Variants in TMEM232 observed in about 807,000 individuals in gnomAD.
The protein encoded by TMEM232 is transmembrane protein 232.
A neutral mutation model predicts 78.8 loss-of-function variants in TMEM232; 80 were observed. That is an observed-to-expected ratio of 1.01 (90% CI 0.85 to 1.22). The LOEUF (loss-of-function observed/expected upper bound fraction) is 1.22. Among genes scored for constraint, TMEM232 ranks in the 50% most tolerant of loss-of-function variants. TMEM232 has a pLI of 0.00. For missense variants in TMEM232, 881 were observed against 742.2 expected (o/e 1.19, Z -2.17); for synonymous variants, 297 against 254.3 (o/e 1.17, Z -1.60).
intron 11 of TMEM232, among the ~76,000 whole-genome samples, chr5:110,556,904 T>G (rs899376098): frequency 1.4e-4 from 22 of 152,178 alleles, no homozygotes; most frequent in African/African-American, 4.3e-4. Flanking sequence ...TGCTCTGAAT[T>G]TGAATATCAT....
intron 8 of TMEM232, among the ~76,000 whole-genome samples, chr5:110,610,840 C>T (rs1782182589): frequency 6.6e-6 from 1 of 152,082 alleles, no homozygotes; most frequent in South Asian, 2.1e-4. Flanking sequence ...GTACATCATA[C>T]TTTTTAGAGA....
intron 12 of TMEM232, among the ~76,000 whole-genome samples, chr5:110,517,399 A>T (rs1207092926): frequency 6.6e-6 from 1 of 152,258 alleles, no homozygotes; most frequent in Non-Finnish European, 1.5e-5. Flanking sequence ...TTCAATGCAT[A>T]GCTTAGATTT....
chr5:110,447,349 T>C (rs1406632589), intron 12 of TMEM232, among the ~76,000 whole-genome samples: 1 of 152,034 alleles, frequency 6.6e-6, no homozygotes, highest in Non-Finnish European at 1.5e-5. Context: ...AGACTAGGAA[T>C]CAGGTTAGGC....
chr5:110,433,565 T>C (rs1285119393), intron 12 of TMEM232, among the ~76,000 whole-genome samples: 2 of 151,750 alleles, frequency 1.3e-5, no homozygotes, highest in East Asian at 1.9e-4. Flanking sequence ...ACTAGAAACA[T>C]AGGAACAAAC....
At position 110,735,341 on chromosome 5, in the gene TMEM232, C is replaced by T. The variant is rs546379361; in HGVS notation, c.-125-326G>A. 1.4e-4 allele frequency among the ~76,000 whole-genome samples: 22 copies of T among 152,178 alleles called. No individual in the cohort carries two copies. In the South Asian group the frequency reaches 3.7e-3, roughly 26 times the overall value. ...TCAACAATAATAATGACTGGACTTT[C>T]GAAAATATGTATTAAGCCCGTTGGG... On this transcript the variant is annotated intron_variant, in intron 1 of 4. Transcript: ENST00000512886.
chr5:110,728,841 GT>G (rs1245880706), upstream of TMEM232, among the ~76,000 whole-genome samples: 1 of 80,838 alleles, frequency 1.2e-5, no homozygotes, highest in African/African-American at 4.4e-5. Flanking sequence ...TACTTGCCCA[GT>G]TTTTTTCTGC....
At chr5:110,526,745 T>C (rs1770654933) in intron 12 of TMEM232, among the ~76,000 whole-genome samples, 1 of 151,976 alleles carries the variant, frequency 6.6e-6, no homozygotes, top group African/African-American at 2.4e-5. Flanking sequence ...AAGACATATG[T>C]AAATGGTTAT....
intron 2 of TMEM232, among the ~76,000 whole-genome samples, chr5:110,663,235 T>A (rs58737686): frequency 0.05 from 7,588 of 152,138 alleles, 377 homozygotes; most frequent in East Asian, 0.22. Flanking sequence ...ACACTCAACA[T>A]TAATGAATCT....
At chr5:110,423,773 ATGCG>A (rs1191201222) in intron 13 of TMEM232, among the ~76,000 whole-genome samples, 3 of 136,512 alleles carry the variant, frequency 2.2e-5, no homozygotes, top group African/African-American at 3.2e-5. Flanking sequence ...GTAGTTATTT[ATGCG>A]TGCGTGTGTG....
intron 1 of TMEM232, among the ~76,000 whole-genome samples, chr5:110,697,508 G>A (rs983807558): frequency 6.6e-6 from 1 of 152,104 alleles, no homozygotes; most frequent in Non-Finnish European, 1.5e-5. Flanking sequence ...AGAGTGAACA[G>A]GCAACCTACA....
At chr5:110,544,436 C>T (rs1230542437) in intron 11 of TMEM232, among the ~76,000 whole-genome samples, 1 of 87,012 alleles carries the variant, frequency 1.1e-5, no homozygotes, top group African/African-American at 5.6e-5. Context: ...GCAATACACA[C>T]ATATCAAAAA....
intron 1 of TMEM232, among the ~76,000 whole-genome samples, chr5:110,675,275 C>G (rs529863715): frequency 1.2e-3 from 190 of 152,106 alleles, no homozygotes; most frequent in African/African-American, 4.5e-3. Context: ...GACCTCTTGA[C>G]CTCAAGTGAT....
intron 3 of TMEM232, among the ~76,000 whole-genome samples, chr5:110,641,819 G>A (rs965877239): frequency 2.6e-5 from 4 of 152,084 alleles, no homozygotes; most frequent in African/African-American, 9.7e-5. Context: ...ATATCTATTT[G>A]TAAATTTGGG....
chr5:110,529,059 G>C (rs1387702520), intron 11 of TMEM232, among the ~76,000 whole-genome samples: 2 of 152,082 alleles, frequency 1.3e-5, no homozygotes, highest in African/African-American at 4.8e-5. Context: ...ATCCAGTCTT[G>C]AAATTTTGAA....
At chr5:110,478,488 C>T (rs1407821358) in intron 12 of TMEM232, among the ~76,000 whole-genome samples, 1 of 151,844 alleles carries the variant, frequency 6.6e-6, no homozygotes, top group East Asian at 1.9e-4. Flanking sequence ...GTCTAAGCAA[C>T]TGAGGCCATT....
intron 12 of TMEM232, among the ~76,000 whole-genome samples, chr5:110,478,434 G>T (rs1260376488): frequency 1.3e-5 from 2 of 151,800 alleles, no homozygotes; most frequent in Non-Finnish European, 2.9e-5. Context: ...TGCGATAATT[G>T]TCTCTATAAC....
In TMEM232 at chr5:110,624,880, CT is replaced by C. The variant is rs1277978505; in HGVS notation, c.768+386del. On this transcript the variant is annotated intron_variant, in intron 7 of 13. Coordinates refer to ENST00000455884, the MANE Select transcript of TMEM232 (RefSeq NM_001039763.4). Reference sequence around the variant, plus strand: ...TCGCATAATGTTAAACGTATTTTTCCTTTTTTAGAAGTTGTTAAGAAAAACA... The same window carrying C: ...TCGCATAATGTTAAACGTATTTTTCCTTTTTAGAAGTTGTTAAGAAAAACA... 2.6e-5 allele frequency among the ~76,000 whole-genome samples: 4 copies of C among 151,828 alleles called. No individual in the cohort carries two copies. The East Asian group carries it at 7.7e-4, about 29-fold the overall frequency.
rs1376627658 is a variant in TMEM232, at chr5:110,528,811, G to A, written c.1480C>T (p.Pro494Ser). ...AQAELNDPTDPFTRYSTNISS... is the reference protein window; with the variant it reads ...AQAELNDPTDSFTRYSTNISS... Reference sequence around the variant, plus strand: ...ATATTTGTACTATATCTAGTGAAAGGATCAGTTGGGTCATTTAACTCAGCC... The same window carrying A: ...ATATTTGTACTATATCTAGTGAAAGAATCAGTTGGGTCATTTAACTCAGCC... Residue 494 changes from proline to serine, a missense_variant, in exon 12 of 14, where the codon CCT becomes TCT. Coordinates refer to ENST00000455884, the MANE Select transcript of TMEM232 (RefSeq NM_001039763.4). The A allele has an allele frequency of 1.3e-6, 2 of 1,498,042 alleles. No individual in the cohort carries two copies. The highest frequency in any genetic ancestry group is 2.1e-5 in the Admixed American group (1 of 47,306). 92.8% of individuals were successfully genotyped at this position (1,498,042 alleles called of 1,614,324 possible). A position where few individuals can be genotyped will look rare whatever the true frequency, so the allele number is the denominator to read the frequency against.
intron 1 of TMEM232, among the ~76,000 whole-genome samples, chr5:110,701,032 G>C (rs959810064): frequency 1.3e-5 from 2 of 151,530 alleles, no homozygotes; most frequent in African/African-American, 4.8e-5. Flanking sequence ...TTTCCTTTTG[G>C]TGCCTTCCAC....
Sources: allele counts gnomAD v4.1 joint callset (sites outside exome capture counted in the v4.1 genomes callset), GRCh38; gene constraint gnomAD v4.1.1; transcripts MANE v1.5; gene names NCBI Gene and HGNC (gene_info 2026-07-23, HGNC 2026-07-21).